The following ITPR1 variants were observed in gnomAD, a reference collection of about 807,000 sequenced individuals.
The protein encoded by ITPR1 is inositol 1,4,5-trisphosphate receptor type 1, also known as inositol 1,4,5-trisphosphate-gated calcium channel ITPR1.
ITPR1 carries 96 observed loss-of-function variants against 318.4 expected under a neutral mutation model. That is an observed-to-expected ratio of 0.30 (90% confidence interval 0.26 to 0.36). The LOEUF (loss-of-function observed/expected upper bound fraction) is 0.36, where lower values mean the gene tolerates loss of function less well. Among genes scored for constraint, ITPR1 ranks in the 10% least tolerant of loss-of-function variants. The pLI is 1.00. For missense variants in ITPR1, 2,440 were observed against 3,460.2 expected (o/e 0.71, Z 7.40); for synonymous variants, 1,312 against 1,289.9 (o/e 1.02, Z -0.37).
At chr3:4,801,039 C>T (rs1161179257) in intron 54 of ITPR1, among the ~76,000 whole-genome samples, 1 of 152,156 alleles carries the variant, frequency 6.6e-6, no homozygotes, top group Admixed American at 6.5e-5. Context: ...AATACAGAGA[C>T]AGGGCAGGTG....
intron 48 of ITPR1, among the ~76,000 whole-genome samples, chr3:4,777,982 G>A (rs1262719030): frequency 6.6e-6 from 1 of 152,212 alleles, no homozygotes; most frequent in East Asian, 1.9e-4. Context: ...CGGGACTGCA[G>A]GTGACTGATG....
rs951226654 is a variant in ITPR1, at chr3:4,779,072, T to C, written c.6292-478T>C. Among the ~76,000 whole-genome samples the C allele has an allele frequency of 2.6e-5, 4 of 152,248 alleles. No individual in the cohort carries two copies. Among genetic ancestry groups the C allele is most frequent in the Admixed American group, 2.6e-4 (4 of 15,284 alleles). On this transcript the variant is annotated intron_variant, in intron 48 of 61. Coordinates refer to ENST00000649015, the MANE Select transcript of ITPR1 (RefSeq NM_001378452.1). This position sits in a 1 kb window ranked among gnomAD's most constrained non-coding sequence, Gnocchi z 4.0. ...TTATATTAGGGGTTATGAGAGCTAA[T>C]AGAAATATTTTAAGACAGGGAAGAA...
chr3:4,623,699 T>G (rs1235695341), intron 4 of ITPR1, among the ~76,000 whole-genome samples: 1 of 152,224 alleles, frequency 6.6e-6, no homozygotes, highest in South Asian at 2.1e-4. Context: ...TGCAAAATTT[T>G]GGAAGGTTAT....
At chr3:4,497,236 A>T (rs180839187) in intron 2 of ITPR1, among the ~76,000 whole-genome samples, 1 of 152,012 alleles carries the variant, frequency 6.6e-6, no homozygotes, top group African/African-American at 2.4e-5. Context: ...CACCACTGAA[A>T]CCGTCACCCA....
chr3:4,787,249 T>A (rs564971330), intron 51 of ITPR1, among the ~76,000 whole-genome samples: 1 of 139,686 alleles, frequency 7.2e-6, no homozygotes, highest in South Asian at 2.2e-4. Flanking sequence ...ACCTTAGAAA[T>A]TAATGGGTTC....
intron 10 of ITPR1, among the ~76,000 whole-genome samples, chr3:4,648,477 T>C (rs1371151291): frequency 1.3e-5 from 2 of 152,290 alleles, no homozygotes; most frequent in East Asian, 1.9e-4. Context: ...TTAAATACGC[T>C]GGGTAAAACA....
chr3:4,581,342 T>G (rs1488124598), intron 4 of ITPR1, among the ~76,000 whole-genome samples: 1 of 152,234 alleles, frequency 6.6e-6, no homozygotes, highest in Non-Finnish European at 1.5e-5. Flanking sequence ...TATGCTAGTC[T>G]CTGTCCTGAC....
intron 7 of ITPR1, 133 bp from the exon 8 acceptor site, chr3:4,644,003 A>T (rs2093398036): frequency 1.5e-6 from 1 of 645,698 alleles, no homozygotes; most frequent in African/African-American, 1.8e-5. Context: ...GGTGTGTGCT[A>T]CATCTTTATA....
chr3:4,590,296 G>A (rs2090287625), intron 4 of ITPR1, among the ~76,000 whole-genome samples: 1 of 150,024 alleles, frequency 6.7e-6, no homozygotes, highest in South Asian at 2.1e-4. Flanking sequence ...CATGAGGACA[G>A]AGACCTTATC....
At chr3:4,701,455 G>A (rs1574927634) in intron 35 of ITPR1, among the ~76,000 whole-genome samples, 2 of 152,264 alleles carry the variant, frequency 1.3e-5, no homozygotes, top group Admixed American at 1.3e-4. Context: ...TAAATCCTAG[G>A]TTTCCCCTGC....
At chr3:4,638,664 G>A (rs963056535) in intron 5 of ITPR1, among the ~76,000 whole-genome samples, 1 of 152,198 alleles carries the variant, frequency 6.6e-6, no homozygotes, top group Non-Finnish European at 1.5e-5. Flanking sequence ...TGGAGAAAGG[G>A]TATAACAAAT....
chr3:4,546,796 T>C (rs888457167), intron 4 of ITPR1, among the ~76,000 whole-genome samples: 1 of 150,884 alleles, frequency 6.6e-6, no homozygotes, highest in African/African-American at 2.4e-5. Flanking sequence ...TTGAATCATC[T>C]TGTGCTGCAT....
chr3:4,836,001 C>T (rs1354994225), intron 60 of ITPR1, among the ~76,000 whole-genome samples: 6 of 152,118 alleles, frequency 3.9e-5, no homozygotes, highest in East Asian at 1.9e-4. Context: ...AGCTCATAAA[C>T]GGGGACATTG....
In ITPR1 at chr3:4,766,604, G is replaced by A. The variant is rs1390905784; in HGVS notation, c.5619G>A (p.Lys1873=). The A allele has an allele frequency of 6.2e-7, 1 of 1,613,796 alleles. No individual in the cohort carries two copies. Among genetic ancestry groups the A allele is most frequent in the Non-Finnish European group, 8.5e-7 (1 of 1,179,734 alleles). Residue 1873 remains lysine, a synonymous_variant, in exon 45 of 62, where the codon AAG becomes AAA. Coordinates refer to ENST00000649015, the MANE Select transcript of ITPR1 (RefSeq NM_001378452.1). ...KFFKVFYDRM[K]VAQQEIKATV... ...TTAAGGTGTTTTATGACCGGATGAA[G>A]GTGGCCCAGCAAGAAATCAAAGCAA...
At chr3:4,840,548 T>C (rs1003507487) in intron 61 of ITPR1, among the ~76,000 whole-genome samples, 5 of 152,338 alleles carry the variant, frequency 3.3e-5, no homozygotes, top group East Asian at 1.9e-4. Context: ...TGGATGACTT[T>C]GGTCTAAATC....
At chr3:4,664,801 C>G (rs73807112) in intron 16 of ITPR1, among the ~76,000 whole-genome samples, 18,809 of 152,164 alleles carry the variant, frequency 0.12, 2,319 homozygotes, top group African/African-American at 0.32. Flanking sequence ...TAAGGAAATG[C>G]GGGTTTACTT....
At chr3:4,643,725 T>C (rs2093390836) in intron 7 of ITPR1, among the ~76,000 whole-genome samples, 1 of 152,166 alleles carries the variant, frequency 6.6e-6, no homozygotes. Flanking sequence ...AATGTTATAG[T>C]AAAAATATGA....
At chr3:4,838,654 C>T (rs769275892) in intron 61 of ITPR1, among the ~76,000 whole-genome samples, 5 of 152,172 alleles carry the variant, frequency 3.3e-5, no homozygotes, top group African/African-American at 7.2e-5. Flanking sequence ...GTTTCACACC[C>T]GTGGTACTGG....
intron 4 of ITPR1, among the ~76,000 whole-genome samples, chr3:4,586,741 T>A (rs63619762): frequency 3.4e-5 from 5 of 148,348 alleles, no homozygotes; most frequent in East Asian, 4.1e-4. Flanking sequence ...TTTTTTTTTT[T>A]AATACAACTA....
Sources: gnomAD v4.1 joint callset for allele counts (sites outside exome capture counted in the v4.1 genomes callset) on GRCh38, gnomAD v4.1.1 for gene constraint, Gnocchi (gnomAD v3.1) non-coding constraint, MANE v1.5 for transcripts, NCBI Gene and HGNC (gene_info 2026-07-23, HGNC 2026-07-21) for gene names.